The following CUEDC1 variants were observed in gnomAD, a reference collection of about 807,000 sequenced individuals.
CUEDC1 encodes CUE domain-containing protein 1.
CUEDC1 carries 30 observed loss-of-function variants against 43.7 expected under a neutral mutation model. The ratio of observed to expected loss-of-function variants is 0.69; its 90% confidence interval spans 0.51 to 0.93. CUEDC1 has a LOEUF of 0.93. Among genes scored for constraint, CUEDC1 ranks in the 40% least tolerant of loss-of-function variants. CUEDC1 has a pLI of 0.00. For missense variants in CUEDC1, 486 were observed against 549.0 expected, an observed-to-expected ratio of 0.89 and a Z score of 1.15; for synonymous variants, 223 against 223.6, an observed-to-expected ratio of 1.00 and a Z score of 0.02.
intron 1 of CUEDC1, among the ~76,000 whole-genome samples, chr17:57,899,905 G>C (rs756049676): frequency 1.3e-5 from 2 of 151,826 alleles, no homozygotes; most frequent in Non-Finnish European, 2.9e-5. Flanking sequence ...CCCTTCATTA[G>C]GCTGATAGCA....
At chr17:57,893,169 T>C (rs544522104) in intron 1 of CUEDC1, among the ~76,000 whole-genome samples, 1 of 152,298 alleles carries the variant, frequency 6.6e-6, no homozygotes, top group South Asian at 2.1e-4. Flanking sequence ...TGCGGAAACC[T>C]CAAGTGTGTA....
intron 1 of CUEDC1, among the ~76,000 whole-genome samples, chr17:57,924,346 T>C (rs2074725555): frequency 6.6e-6 from 1 of 152,178 alleles, no homozygotes; most frequent in Non-Finnish European, 1.5e-5. Context: ...CCTCGTGATC[T>C]GCCCGCCTCG....
rs1455792383 is a variant in CUEDC1, at chr17:57,885,527, C to G, written c.38G>C (p.Gly13Ala). Residue 13 changes from glycine (G) to alanine (A), a missense_variant, in exon 2 of 11, where the codon GGC (glycine) becomes GCC (alanine). By Grantham distance (60) the Gly-to-Ala change is moderately conservative. Coordinates refer to ENST00000577830, the MANE Select transcript of CUEDC1 (RefSeq NM_001271875.2). The stretch of plus-strand genomic sequence containing the variant: ...GCGTGCCCCGGCGGTGCCACCCCCG[C>G]CGCTGCCGCTGCTGCTCCGGCGGAA... ...SLFRRSSSGS[G>A]GGGTAGARGG... 7 of 1,387,972 alleles carry G rather than the reference C, an allele frequency of 5.0e-6. No homozygotes were observed. The highest frequency in any genetic ancestry group is 6.5e-6 in the Non-Finnish European group (7 of 1,078,440). 86.0% of individuals were successfully genotyped at this position (1,387,972 alleles called of 1,614,324 possible).
At chr17:57,927,087 A>C (rs2074754590) in intron 1 of CUEDC1, among the ~76,000 whole-genome samples, 1 of 152,200 alleles carries the variant, frequency 6.6e-6, no homozygotes, top group Non-Finnish European at 1.5e-5. Context: ...TGTTAATGTA[A>C]TTAAGGGCTC....
chr17:57,893,237 C>T (rs1056155778), intron 1 of CUEDC1, among the ~76,000 whole-genome samples: 8 of 152,062 alleles, frequency 5.3e-5, no homozygotes, highest in African/African-American at 1.9e-4. Flanking sequence ...CACCTCAGAG[C>T]GGGTGGGGTG....
chr17:57,936,795 G>A (rs1317098923), intron 1 of CUEDC1, among the ~76,000 whole-genome samples: 8 of 105,736 alleles, frequency 7.6e-5, no homozygotes, highest in African/African-American at 1.8e-4. Context: ...AGCCCATCCC[G>A]CCCCCATACA....
intron 1 of CUEDC1, among the ~76,000 whole-genome samples, chr17:57,937,916 T>TA (rs1454440274): frequency 5.3e-5 from 8 of 151,738 alleles, no homozygotes; most frequent in African/African-American, 1.2e-4. Flanking sequence ...CAAGAAAAAC[T>TA]AAAAAATAAA....
intron 1 of CUEDC1, among the ~76,000 whole-genome samples, chr17:57,926,726 G>A (rs1567720034): frequency 6.6e-6 from 1 of 152,192 alleles, no homozygotes; most frequent in Non-Finnish European, 1.5e-5. Flanking sequence ...ATAAAGTGAA[G>A]GCATTTTGCT....
rs1217575950 is a variant in CUEDC1, at chr17:57,862,471, G to A, written c.*818C>T. 1 of 152,354 alleles carries A rather than the reference G, an allele frequency of 6.6e-6. No individual in the cohort carries two copies. Among genetic ancestry groups the A allele is most frequent in the Non-Finnish European group, 1.5e-5 (1 of 68,172 alleles). 9.4% of individuals were successfully genotyped at this position (152,354 alleles called of 1,614,324 possible). On this transcript the variant is annotated 3_prime_UTR_variant, in exon 11 of 11. Coordinates refer to ENST00000577830, the MANE Select transcript of CUEDC1 (RefSeq NM_001271875.2). ...CCTACTGTGGTGTGACTCCAGAACT[G>A]GCTTTTGTCTGCTGCCAAATTAAAG...
chr17:57,932,303 A>T (rs1159705131), intron 1 of CUEDC1, among the ~76,000 whole-genome samples: 1 of 130,344 alleles, frequency 7.7e-6, no homozygotes, highest in African/African-American at 2.7e-5. Flanking sequence ...AAAAAAAAAA[A>T]GGCCAGGCAT....
chr17:57,872,012 TCTCC>T (rs2074041103), intron 5 of CUEDC1, among the ~76,000 whole-genome samples: 1 of 152,118 alleles, frequency 6.6e-6, no homozygotes, highest in Non-Finnish European at 1.5e-5. Context: ...AGCCCAGCCT[TCTCC>T]CTCCACAACT....
intron 3 of CUEDC1, 141 bp downstream of exon 3, chr17:57,879,470 A>G: frequency 8.5e-7 from 1 of 1,177,004 alleles, no homozygotes; most frequent in Non-Finnish European, 1.1e-6. Context: ...GTATCTAGCT[A>G]AAATGTCTCT....
intron 1 of CUEDC1, among the ~76,000 whole-genome samples, chr17:57,922,763 A>C: frequency 6.6e-6 from 1 of 152,204 alleles, no homozygotes. Context: ...AATAAACAGC[A>C]ACTATTACCA....
At chr17:57,941,936 G>A (rs2074920471) in intron 1 of CUEDC1, among the ~76,000 whole-genome samples, 1 of 152,250 alleles carries the variant, frequency 6.6e-6, no homozygotes, top group Non-Finnish European at 1.5e-5. Flanking sequence ...GGAAATGTGT[G>A]TGGAGAAGCC....
Position 57,913,743 on chromosome 17 carries a change from C to A in CUEDC1, c.-315-27864G>T, listed in dbSNP as rs112545395. On this transcript the variant is annotated intron_variant, in intron 1 of 10. Transcript: ENST00000577830. The stretch of plus-strand genomic sequence containing the variant: ...CTGAACTGACCAGTCCTCCAGGGAC[C>A]TGCTGATTCACACAATGCATGGCTG... Among the ~76,000 whole-genome samples, 1,016 of 152,260 alleles carry A rather than the reference C, an allele frequency of 6.7e-3. 11 individuals carry two copies. The highest frequency in any genetic ancestry group is 0.022 in the African/African-American group (931 of 41,552).
chr17:57,891,964 A>G (rs2074359760), intron 1 of CUEDC1, among the ~76,000 whole-genome samples: 2 of 152,212 alleles, frequency 1.3e-5, no homozygotes, highest in Non-Finnish European at 2.9e-5. Flanking sequence ...GGGCTTTGCT[A>G]TACTCACTGT....
intron 1 of CUEDC1, among the ~76,000 whole-genome samples, chr17:57,934,300 G>T (rs536513546): frequency 1.3e-5 from 2 of 152,206 alleles, no homozygotes; most frequent in South Asian, 4.1e-4. Context: ...GCTGAGGCAG[G>T]AGAATTGCTT....
intron 1 of CUEDC1, among the ~76,000 whole-genome samples, chr17:57,899,742 C>T (rs1052802133): frequency 2.0e-5 from 3 of 152,100 alleles, no homozygotes; most frequent in Middle Eastern, 3.2e-3. Context: ...TTTTTTGAAC[C>T]GTCCCACACA....
intron 1 of CUEDC1, among the ~76,000 whole-genome samples, chr17:57,924,976 AC>A (rs1489282398): frequency 2.6e-5 from 4 of 152,194 alleles, no homozygotes; most frequent in African/African-American, 9.7e-5. Flanking sequence ...ACAGGATGAA[AC>A]ACTGTACAGC....
Sources: gnomAD v4.1 joint callset for allele counts (sites outside exome capture counted in the v4.1 genomes callset) on GRCh38, gnomAD v4.1.1 for gene constraint, MANE v1.5 for transcripts, NCBI Gene and HGNC (gene_info 2026-07-23, HGNC 2026-07-21) for gene names.